RSU1: variants seen among roughly 807,000 people sequenced by gnomAD.
RSU1 encodes the protein rsu-1.
In RSU1, 26 loss-of-function variants were observed where a neutral mutation model predicts 31.1. The observed-to-expected ratio is 0.84, with a 90% CI of 0.61 to 1.16. The LOEUF is 1.16. Among genes scored for constraint, RSU1 ranks in the 50% most tolerant of loss-of-function variants. RSU1 has a pLI of 0.00. For missense variants in RSU1, 320 were observed against 339.1 expected (o/e 0.94, Z 0.44); for synonymous variants, 164 against 136.3 (o/e 1.20, Z -1.41).
intron 7 of RSU1, among the ~76,000 whole-genome samples, chr10:16,719,051 G>A (rs142331457): frequency 0.034 from 5,213 of 151,924 alleles, 304 homozygotes; most frequent in African/African-American, 0.12. Context: ...CACTTTGAGA[G>A]GCTAAGGCAG....
intron 8 of RSU1, among the ~76,000 whole-genome samples, chr10:16,610,208 TG>T (rs5783512): frequency 0.031 from 4,685 of 152,266 alleles, 243 homozygotes; most frequent in African/African-American, 0.11. Context: ...TAGAGCACAC[TG>T]TCCGTCAGAC....
At chr10:16,738,179 G>A (rs1737266772) in intron 7 of RSU1, among the ~76,000 whole-genome samples, 3 of 152,200 alleles carry the variant, frequency 2.0e-5, no homozygotes, top group Admixed American at 6.5e-5. Flanking sequence ...GGGCACGGTG[G>A]CTCACGCCTG....
intron 8 of RSU1, among the ~76,000 whole-genome samples, chr10:16,595,434 CAG>C (rs1270946044): frequency 6.6e-6 from 1 of 152,176 alleles, no homozygotes; most frequent in Non-Finnish European, 1.5e-5. Flanking sequence ...GTGTAGAACA[CAG>C]GGTTCAGAGC....
At chr10:16,777,581 T>C (rs1383253042) in intron 3 of RSU1, among the ~76,000 whole-genome samples, 1 of 152,202 alleles carries the variant, frequency 6.6e-6, no homozygotes, top group Non-Finnish European at 1.5e-5. Context: ...TTCTAATCTT[T>C]AGGTACAAAA....
intron 3 of RSU1, among the ~76,000 whole-genome samples, chr10:16,765,251 T>C (rs1012612824): frequency 1.3e-5 from 2 of 152,166 alleles, no homozygotes; most frequent in Admixed American, 6.5e-5. Flanking sequence ...TTAATAACAA[T>C]ATAAGCTCAA....
At chr10:16,815,177 G>C (rs978108670) in intron 2 of RSU1, among the ~76,000 whole-genome samples, 6 of 152,238 alleles carry the variant, frequency 3.9e-5, no homozygotes, top group East Asian at 3.9e-4. Flanking sequence ...AGAGGCATCT[G>C]CTCAGTTGCT....
At chr10:16,771,741 C>A (rs1231083128) in intron 3 of RSU1, among the ~76,000 whole-genome samples, 1 of 152,180 alleles carries the variant, frequency 6.6e-6, no homozygotes, top group Admixed American at 6.5e-5. Flanking sequence ...TGATAACTGT[C>A]TTCACAGATT....
chr10:16,636,412 C>T (rs1834345603), intron 8 of RSU1, among the ~76,000 whole-genome samples: 1 of 152,186 alleles, frequency 6.6e-6, no homozygotes, highest in African/African-American at 2.4e-5. Flanking sequence ...AACTCTGTCC[C>T]TCTCCCGCTT....
chr10:16,731,479 T>C (rs1239432519), intron 7 of RSU1, among the ~76,000 whole-genome samples: 1 of 152,028 alleles, frequency 6.6e-6, no homozygotes, highest in African/African-American at 2.4e-5. Flanking sequence ...ATACTAACCT[T>C]TTCTGAGTTC....
At chr10:16,797,648 A>C (rs1838066397) in intron 2 of RSU1, among the ~76,000 whole-genome samples, 1 of 152,158 alleles carries the variant, frequency 6.6e-6, no homozygotes, top group Non-Finnish European at 1.5e-5. Flanking sequence ...ACAAGGTAAA[A>C]AGCCATTACA....
intron 3 of RSU1, among the ~76,000 whole-genome samples, chr10:16,774,061 G>A (rs1484046183): frequency 6.7e-6 from 1 of 149,322 alleles, no homozygotes; most frequent in Non-Finnish European, 1.5e-5. Flanking sequence ...GCTGACTGAT[G>A]AACAGAAAGA....
Position 16,695,167 on chromosome 10 carries a change from G to GGGGCC in RSU1, c.599-13_599-12insGGCCC. On this transcript the variant is annotated splice_polypyrimidine_tract_variant and intron_variant, in intron 7 of 8. Coordinates refer to ENST00000345264, the MANE Select transcript of RSU1 (RefSeq NM_012425.4). ...TAAATCCAAGTTTCCTGGGGGGGGGGAAAAAAAAAGTGAAGGTCACTTCAT... is the reference window on the plus strand; with the variant it reads ...TAAATCCAAGTTTCCTGGGGGGGGGGGGGCCAAAAAAAAAGTGAAGGTCACTTCAT... The GGGGCC allele has an allele frequency of 7.6e-7, 1 of 1,318,158 alleles. No homozygotes were observed. The highest frequency in any genetic ancestry group is 1.0e-6 in the Non-Finnish European group (1 of 970,984). 81.7% of individuals were successfully genotyped at this position (1,318,158 alleles called of 1,614,324 possible).
At chr10:16,652,749 C>G (rs999341104) in intron 8 of RSU1, among the ~76,000 whole-genome samples, 3 of 152,092 alleles carry the variant, frequency 2.0e-5, no homozygotes, top group Non-Finnish European at 4.4e-5. Flanking sequence ...GTGGTGTGAT[C>G]ACGGCTCACT....
chr10:16,696,134 A>G (rs1835670282), intron 7 of RSU1, among the ~76,000 whole-genome samples: 1 of 152,222 alleles, frequency 6.6e-6, no homozygotes, highest in African/African-American at 2.4e-5. Context: ...GTCTGTCCCT[A>G]AAAGTCCTAC....
At chr10:16,637,079 A>C (rs578064616) in intron 8 of RSU1, among the ~76,000 whole-genome samples, 1 of 152,330 alleles carries the variant, frequency 6.6e-6, no homozygotes, top group African/African-American at 2.4e-5. Context: ...ATTTCCTGCA[A>C]CCAAAGCATT....
intron 8 of RSU1, among the ~76,000 whole-genome samples, chr10:16,652,705 C>T (rs943941552): frequency 1.3e-5 from 2 of 152,070 alleles, no homozygotes; most frequent in Non-Finnish European, 2.9e-5. Flanking sequence ...GTTTTTGAGA[C>T]AGGATCTGAC....
intron 7 of RSU1, among the ~76,000 whole-genome samples, chr10:16,707,151 G>A (rs12416357): frequency 0.17 from 25,334 of 152,026 alleles, 2,495 homozygotes; most frequent in East Asian, 0.42. Context: ...GCATTAATGG[G>A]CACTTAGGTT....
chr10:16,801,160 T>G (rs896171385), intron 2 of RSU1, among the ~76,000 whole-genome samples: 4 of 149,892 alleles, frequency 2.7e-5, no homozygotes, highest in African/African-American at 9.8e-5. Context: ...ATATAAAATA[T>G]AGATACAACT....
chr10:16,715,896 T>C (rs1220496195), intron 7 of RSU1, among the ~76,000 whole-genome samples: 1 of 152,240 alleles, frequency 6.6e-6, no homozygotes, highest in Non-Finnish European at 1.5e-5. Flanking sequence ...TTAGATAGTG[T>C]GATATACTTC....
Sources: gnomAD v4.1 joint callset for allele counts (sites outside exome capture counted in the v4.1 genomes callset) on GRCh38, gnomAD v4.1.1 for gene constraint, MANE v1.5 for transcripts, NCBI Gene and HGNC (gene_info 2026-07-23, HGNC 2026-07-21) for gene names.